Variants in LIN54 observed in about 807,000 individuals in gnomAD.
LIN54 encodes the protein protein lin-54 homolog.
A neutral mutation model predicts 78.7 loss-of-function variants in LIN54; 9 were observed. The ratio of observed to expected loss-of-function variants is 0.11; its 90% CI spans 0.07 to 0.20. The LOEUF is 0.20. LIN54 is among the 10% of genes least tolerant of loss of function. The pLI is 1.00. For missense variants in LIN54, 573 were observed against 889.9 expected (o/e 0.64, Z 4.53); for synonymous variants, 269 against 318.4 (o/e 0.84, Z 1.65).
chr4:82,928,590 G>A (rs965181655), intron 12 of LIN54, among the ~76,000 whole-genome samples: 13 of 152,136 alleles, frequency 8.5e-5, no homozygotes, highest in Non-Finnish European at 1.8e-4. Flanking sequence ...TAGTCTACAC[G>A]AAGACTAGAA....
At chr4:82,983,575 G>A (rs935825548) in intron 2 of LIN54, among the ~76,000 whole-genome samples, 1 of 152,184 alleles carries the variant, frequency 6.6e-6, no homozygotes, top group African/African-American at 2.4e-5. Flanking sequence ...GGTAGGATAA[G>A]ATAGAGGCAA....
intron 11 of LIN54, among the ~76,000 whole-genome samples, chr4:82,931,778 A>C (rs1721975265): frequency 6.6e-6 from 1 of 152,132 alleles, no homozygotes; most frequent in Admixed American, 6.6e-5. Context: ...TAGAACTTTC[A>C]TTTTTTAGTT....
intron 4 of LIN54, among the ~76,000 whole-genome samples, chr4:82,952,009 A>G (rs1458720379): frequency 1.3e-5 from 2 of 152,190 alleles, no homozygotes; most frequent in Admixed American, 6.6e-5. Context: ...TGTAAAAGCT[A>G]AAACTAAAAA....
At chr4:82,962,602 A>G (rs1294392026) in intron 4 of LIN54, among the ~76,000 whole-genome samples, 2 of 152,074 alleles carry the variant, frequency 1.3e-5, no homozygotes, top group East Asian at 3.8e-4. Context: ...TGGGAACTCT[A>G]AGAGTCAAAT....
intron 1 of LIN54, among the ~76,000 whole-genome samples, chr4:82,996,152 A>G (rs1483443859): frequency 2.0e-5 from 3 of 151,950 alleles, no homozygotes; most frequent in Non-Finnish European, 4.4e-5. Flanking sequence ...AGGACTGGGC[A>G]TGGCAGGAAA....
At position 82,961,781 on chromosome 4, in the gene LIN54, C is replaced by T. The variant is rs769813762; in HGVS notation, c.951+8546G>A. On this transcript the variant is annotated intron_variant, in intron 4 of 12. Transcript: ENST00000340417. ...CAGTCTGGTCAACATGGTGATACCC[C>T]GTCTCTACTAAAAATACAAAAAAAT... Among the ~76,000 whole-genome samples, 12 of 152,020 alleles carry T rather than the reference C, an allele frequency of 7.9e-5. 1 individual carries two copies. The highest frequency in any genetic ancestry group is 2.7e-4 in the African/African-American group (11 of 41,462).
chr4:82,997,067 A>G (rs1728288383), intron 1 of LIN54, among the ~76,000 whole-genome samples: 1 of 152,058 alleles, frequency 6.6e-6, no homozygotes, highest in Admixed American at 6.6e-5. Flanking sequence ...AGACAGGAAC[A>G]TATTTGTCTT....
At chr4:82,978,802 C>G in intron 3 of LIN54, 81 bp downstream of exon 3, 1 of 869,534 alleles carries the variant, frequency 1.2e-6, no homozygotes, top group Non-Finnish European at 1.7e-6. Flanking sequence ...TACACTAAAA[C>G]ATTTTAAGTT....
chr4:83,004,220 A>AC, intron 1 of LIN54, among the ~76,000 whole-genome samples: 1 of 151,920 alleles, frequency 6.6e-6, no homozygotes, highest in South Asian at 2.1e-4. Flanking sequence ...ATACAGTGAC[A>AC]CCCCGTCTCT....
intron 3 of LIN54, among the ~76,000 whole-genome samples, chr4:82,972,735 C>A (rs776781433): frequency 6.6e-6 from 1 of 152,122 alleles, no homozygotes; most frequent in African/African-American, 2.4e-5. Flanking sequence ...GTAATCCCAG[C>A]ACTTTGGGAG....
intron 1 of LIN54, among the ~76,000 whole-genome samples, chr4:83,006,435 C>T (rs542454424): frequency 1.0e-3 from 140 of 136,772 alleles, no homozygotes; most frequent in Non-Finnish European, 1.6e-3. Flanking sequence ...AGTGACAGAG[C>T]GAGACTCCGT....
chr4:82,973,287 G>A (rs1056567888), intron 3 of LIN54, among the ~76,000 whole-genome samples: 1 of 152,112 alleles, frequency 6.6e-6, no homozygotes, highest in Non-Finnish European at 1.5e-5. Context: ...TACTCATAAA[G>A]CAGGTCATTT....
chr4:82,964,056 C>CT (rs60065504), intron 4 of LIN54, among the ~76,000 whole-genome samples: 35 of 145,610 alleles, frequency 2.4e-4, no homozygotes, highest in Non-Finnish European at 3.2e-4. Context: ...TCCCTCCCTC[C>CT]TTTTTTTTTT....
intron 2 of LIN54, 145 bp from the exon 3 acceptor site, chr4:82,979,151 T>A: frequency 2.1e-6 from 1 of 480,704 alleles, no homozygotes. Context: ...TTAAGAACAT[T>A]TAAAATGCAG....
intron 3 of LIN54, among the ~76,000 whole-genome samples, chr4:82,973,549 A>G (rs1283583019): frequency 2.0e-5 from 3 of 152,202 alleles, no homozygotes; most frequent in Non-Finnish European, 4.4e-5. Flanking sequence ...ACACTCCATA[A>G]AGCCACATAT....
At chr4:82,974,078 C>T (rs1364081182) in intron 3 of LIN54, among the ~76,000 whole-genome samples, 7 of 152,064 alleles carry the variant, frequency 4.6e-5, no homozygotes, top group Non-Finnish European at 8.8e-5. Flanking sequence ...GGTGTGGTGG[C>T]AGGCACCTGT....
At chr4:82,974,234 A>T (rs1267207588) in intron 3 of LIN54, among the ~76,000 whole-genome samples, 1 of 152,012 alleles carries the variant, frequency 6.6e-6, no homozygotes, top group Non-Finnish European at 1.5e-5. Flanking sequence ...ACCAAAAAAA[A>T]AAGGTGCCAA....
chr4:82,938,491 G>T lies in LIN54; in HGVS notation c.1454C>A (p.Ser485Ter). ...AGAGTTGCTTGCTATTGATACATAT[G>T]AAGACTGCTGTAGCTACATGTAAAG... ...AQYVTQLQQS[S>*]YVSIASNSTF... Residue 485 changes from serine (S) to a stop codon, truncating the protein, a stop_gained, in exon 8 of 13, where the codon TCA becomes TAA. Coordinates refer to ENST00000340417, the MANE Select transcript of LIN54 (RefSeq NM_194282.4). LOFTEE classifies it high-confidence loss of function. 1 of 1,599,180 alleles carries T rather than the reference G, an allele frequency of 6.3e-7. No individual in the cohort carries two copies. Among genetic ancestry groups the T allele is most frequent in the Non-Finnish European group, 8.6e-7 (1 of 1,166,700 alleles).
At chr4:82,968,036 G>GT (rs1725350021) in intron 4 of LIN54, among the ~76,000 whole-genome samples, 2 of 150,476 alleles carry the variant, frequency 1.3e-5, no homozygotes, top group South Asian at 2.1e-4. Context: ...GCTTGTTTTT[G>GT]TTTTTTGTTT....
Sources: gnomAD v4.1 joint callset for allele counts (sites outside exome capture counted in the v4.1 genomes callset) on GRCh38, gnomAD v4.1.1 for gene constraint, MANE v1.5 for transcripts, NCBI Gene and HGNC (gene_info 2026-07-23, HGNC 2026-07-21) for gene names.